The following SH3RF3 variants were observed in gnomAD, a reference collection of about 807,000 sequenced individuals.
SH3RF3 encodes E3 ubiquitin-protein ligase SH3RF3.
In SH3RF3, 29 loss-of-function variants were observed where a neutral mutation model predicts 66.3. The ratio of observed to expected loss-of-function variants is 0.44; its 90% confidence interval spans 0.33 to 0.60. The LOEUF is 0.60. SH3RF3 is among the 20% of genes least tolerant of loss of function. The probability of loss-of-function intolerance (pLI) is 0.04; values close to 1 mark genes in which losing one functional copy is unlikely to be tolerated. For missense variants in SH3RF3, 1,194 were observed against 1,190.9 expected (o/e 1.00, Z -0.04); for synonymous variants, 583 against 532.0 (o/e 1.10, Z -1.32).
intron 1 of SH3RF3, among the ~76,000 whole-genome samples, chr2:109,287,508 C>G (rs1574551600): frequency 6.6e-6 from 1 of 152,340 alleles, no homozygotes; most frequent in East Asian, 1.9e-4. Flanking sequence ...GGTTGGGACA[C>G]TACGCTCAGG....
intron 1 of SH3RF3, among the ~76,000 whole-genome samples, chr2:109,248,075 G>A (rs1679964834): frequency 6.6e-6 from 1 of 152,240 alleles, no homozygotes; most frequent in South Asian, 2.1e-4. Flanking sequence ...CAGGGAACAT[G>A]AATCAATTGG....
chr2:109,443,017 A>G (rs1290263049), intron 7 of SH3RF3, among the ~76,000 whole-genome samples: 3 of 152,256 alleles, frequency 2.0e-5, no homozygotes, highest in Non-Finnish European at 2.9e-5. Flanking sequence ...AAGTGAAGGG[A>G]TGGAACAAGT....
chr2:109,278,106 G>T (rs1285192709), intron 1 of SH3RF3, among the ~76,000 whole-genome samples: 1 of 151,956 alleles, frequency 6.6e-6, no homozygotes, highest in African/African-American at 2.4e-5. Flanking sequence ...GAGCCCAGGA[G>T]GTCTAGGCTG....
intron 1 of SH3RF3, among the ~76,000 whole-genome samples, chr2:109,340,038 A>G (rs1039828251): frequency 2.0e-4 from 30 of 152,210 alleles, no homozygotes; most frequent in Admixed American, 6.5e-4. Flanking sequence ...AAAGGACTAT[A>G]ATTCTTATTT....
At chr2:109,449,067 A>T in intron 7 of SH3RF3, 103 bp from the exon 8 acceptor site, 1 of 1,347,414 alleles carries the variant, frequency 7.4e-7, no homozygotes, top group Non-Finnish European at 1.0e-6. Flanking sequence ...AGAGGCTGTG[A>T]GTGCTCGAGA....
intron 1 of SH3RF3, among the ~76,000 whole-genome samples, chr2:109,212,638 T>G (rs568862036): frequency 6.6e-6 from 1 of 152,336 alleles, no homozygotes; most frequent in East Asian, 1.9e-4. Context: ...TCAATGTTTC[T>G]TCTCCAGATA....
At chr2:109,240,479 A>G (rs1432317325) in intron 1 of SH3RF3, among the ~76,000 whole-genome samples, 1 of 152,180 alleles carries the variant, frequency 6.6e-6, no homozygotes, top group Non-Finnish European at 1.5e-5. Flanking sequence ...CAAACAAAAA[A>G]ACAAACAAAC....
At chr2:109,155,740 G>T (rs542932951) in intron 1 of SH3RF3, among the ~76,000 whole-genome samples, 1 of 152,230 alleles carries the variant, frequency 6.6e-6, no homozygotes, top group African/African-American at 2.4e-5. Flanking sequence ...AGAACAAAAA[G>T]GGAGTTCCCA....
At chr2:109,164,872 T>C (rs577666068) in intron 1 of SH3RF3, among the ~76,000 whole-genome samples, 2 of 152,328 alleles carry the variant, frequency 1.3e-5, no homozygotes, top group South Asian at 4.1e-4. Flanking sequence ...TGCAAGTTCC[T>C]TTAGGGTTTC....
intron 8 of SH3RF3, among the ~76,000 whole-genome samples, chr2:109,458,721 A>G (rs561027160): frequency 6.6e-6 from 1 of 152,342 alleles, no homozygotes; most frequent in African/African-American, 2.4e-5. Context: ...GCAGAAAATC[A>G]TTGTCCACAG....
chr2:109,392,605 C>G (rs879388592), intron 3 of SH3RF3, among the ~76,000 whole-genome samples: 1 of 151,976 alleles, frequency 6.6e-6, no homozygotes, highest in Non-Finnish European at 1.5e-5. Context: ...AGCTCCGCCT[C>G]GTGGGTTCAC....
At chr2:109,246,614 C>T (rs1461127155) in intron 1 of SH3RF3, among the ~76,000 whole-genome samples, 1 of 152,188 alleles carries the variant, frequency 6.6e-6, no homozygotes, top group Non-Finnish European at 1.5e-5. Context: ...GCCTTCCTTT[C>T]CACACACAGC....
At chr2:109,263,521 G>GA (rs919231107) in intron 1 of SH3RF3, among the ~76,000 whole-genome samples, 1 of 152,210 alleles carries the variant, frequency 6.6e-6, no homozygotes, top group African/African-American at 2.4e-5. Context: ...TGCATACATA[G>GA]AAAGATTGAT....
chr2:109,269,609 C>T (rs1018830950), intron 1 of SH3RF3, among the ~76,000 whole-genome samples: 4 of 152,096 alleles, frequency 2.6e-5, no homozygotes, highest in Non-Finnish European at 5.9e-5. Flanking sequence ...GGTGAAACCC[C>T]ATCTCTACTA....
At chr2:109,427,263 CT>C (rs1677051425) in intron 5 of SH3RF3, among the ~76,000 whole-genome samples, 1 of 152,080 alleles carries the variant, frequency 6.6e-6, no homozygotes, top group Non-Finnish European at 1.5e-5. Flanking sequence ...GTCACCGTGC[CT>C]GGACAAAGAA....
chr2:109,378,418 G>A (rs1427609075), intron 3 of SH3RF3, among the ~76,000 whole-genome samples: 1 of 152,192 alleles, frequency 6.6e-6, no homozygotes, highest in East Asian at 1.9e-4. Context: ...CCTGAGACGG[G>A]GTTGGAACAC....
intron 8 of SH3RF3, among the ~76,000 whole-genome samples, chr2:109,474,457 C>T (rs1678620975): frequency 6.6e-6 from 1 of 152,152 alleles, no homozygotes; most frequent in Non-Finnish European, 1.5e-5. Flanking sequence ...CTGATGGGAA[C>T]CTAGGTGGTC....
At chr2:109,225,863 T>G (rs752316836) in intron 1 of SH3RF3, among the ~76,000 whole-genome samples, 3 of 152,210 alleles carry the variant, frequency 2.0e-5, no homozygotes, top group Non-Finnish European at 4.4e-5. Flanking sequence ...CCTCCTGGGA[T>G]GAAGTGATCC....
At chr2:109,232,144 G>T (rs11894964) in intron 1 of SH3RF3, among the ~76,000 whole-genome samples, 1 of 152,116 alleles carries the variant, frequency 6.6e-6, no homozygotes, top group African/African-American at 2.4e-5. Context: ...CTCTTGTAGT[G>T]GAATGACCAG....
Sources: gnomAD v4.1 joint callset for allele counts (sites outside exome capture counted in the v4.1 genomes callset) on GRCh38, gnomAD v4.1.1 for gene constraint, MANE v1.5 for transcripts, NCBI Gene and HGNC (gene_info 2026-07-23, HGNC 2026-07-21) for gene names.